ANO3: variants seen among roughly 807,000 people sequenced by gnomAD.
ANO3 encodes the protein anoctamin-3.
Under a neutral mutation model 144.8 loss-of-function variants are expected in ANO3, and 99 were observed. That is an observed-to-expected ratio of 0.68 (90% CI 0.58 to 0.81). ANO3 has a LOEUF of 0.81. ANO3 is among the 30% of genes least tolerant of loss of function. The pLI is 0.00. For missense variants in ANO3, 905 were observed against 1,202.2 expected (o/e 0.75, Z 3.66); for synonymous variants, 414 against 392.6 (o/e 1.05, Z -0.64).
At chr11:26,470,641 A>G (rs1271092585) in intron 4 of ANO3, among the ~76,000 whole-genome samples, 1 of 151,962 alleles carries the variant, frequency 6.6e-6, no homozygotes, top group Non-Finnish European at 1.5e-5. Context: ...GTATAATTAT[A>G]TAATAAAGTG....
At chr11:26,643,755 A>T (rs1291326111) in intron 23 of ANO3, among the ~76,000 whole-genome samples, 1 of 151,966 alleles carries the variant, frequency 6.6e-6, no homozygotes, top group Non-Finnish European at 1.5e-5. Context: ...TTAAGCCATG[A>T]TCCCTCATGA....
upstream of ANO3, among the ~76,000 whole-genome samples, chr11:26,306,403 T>C (rs777036600): frequency 1.3e-5 from 2 of 152,154 alleles, no homozygotes; most frequent in African/African-American, 4.8e-5. Context: ...TGGATAGAAT[T>C]GTCCCAAACT....
In ANO3 at chr11:26,657,842, T is replaced by C. The variant is rs184558922; in HGVS notation, c.2763+1361T>C. ...TTTAGAACATTTTTTCTGTCTTCCG[T>C]ATGATATTTCATCAAATGTATTAAT... On this transcript the variant is annotated intron_variant, in intron 26 of 26. Transcript: ENST00000256737. Among the ~76,000 whole-genome samples, 42 of 152,316 alleles carry C rather than the reference T, an allele frequency of 2.8e-4. 1 individual carries two copies. The highest frequency in any genetic ancestry group is 2.4e-3 in the Admixed American group (37 of 15,284).
intron 1 of ANO3, among the ~76,000 whole-genome samples, chr11:26,243,483 T>C (rs937648715): frequency 4.6e-5 from 7 of 152,090 alleles, no homozygotes; most frequent in Non-Finnish European, 1.0e-4. Context: ...AAGAGGAATC[T>C]ACACAATTGC....
At chr11:26,206,903 A>C (rs963420783) in intron 1 of ANO3, among the ~76,000 whole-genome samples, 1 of 152,226 alleles carries the variant, frequency 6.6e-6, no homozygotes, top group Non-Finnish European at 1.5e-5. Flanking sequence ...TGTAGTACCC[A>C]GAGAAATCAC....
At chr11:26,613,959 G>T (rs566870816) in intron 17 of ANO3, among the ~76,000 whole-genome samples, 1 of 152,238 alleles carries the variant, frequency 6.6e-6, no homozygotes, top group Non-Finnish European at 1.5e-5. Context: ...GCTCATGGGT[G>T]TAATGGCACT....
intron 1 of ANO3, among the ~76,000 whole-genome samples, chr11:26,193,203 G>A (rs542369138): frequency 1.4e-5 from 2 of 141,156 alleles, no homozygotes; most frequent in Non-Finnish European, 3.0e-5. Context: ...GTGCAATGGC[G>A]CCATCTCGGC....
intron 4 of ANO3, among the ~76,000 whole-genome samples, chr11:26,507,366 G>T (rs1476933271): frequency 6.6e-6 from 1 of 152,176 alleles, no homozygotes; most frequent in Non-Finnish European, 1.5e-5. Context: ...ATTGGGCAGA[G>T]ACCATTAAAA....
intron 9 of ANO3, among the ~76,000 whole-genome samples, 165 bp from the exon 10 acceptor site, chr11:26,537,241 T>C (rs1321877391): frequency 6.6e-6 from 1 of 152,156 alleles, no homozygotes; most frequent in African/African-American, 2.4e-5. Context: ...CAGTATCAGG[T>C]TTCTTTCACA....
intron 19 of ANO3, 104 bp from the exon 20 acceptor site, chr11:26,634,909 T>A (rs907818852): frequency 1.1e-5 from 9 of 840,562 alleles, no homozygotes; most frequent in Non-Finnish European, 1.8e-5. Context: ...ATTGCACCAG[T>A]GAGCGTTTAT....
intron 1 of ANO3, among the ~76,000 whole-genome samples, chr11:26,300,745 T>C (rs1012325331): frequency 4.6e-5 from 7 of 152,206 alleles, no homozygotes; most frequent in African/African-American, 1.4e-4. Context: ...AGTAACTCAG[T>C]TGAAGCAAAA....
chr11:26,541,804 C>A, intron 10 of ANO3, 143 bp from the exon 11 acceptor site: 1 of 618,408 alleles, frequency 1.6e-6, no homozygotes, highest in Non-Finnish European at 2.5e-6. Context: ...TCCATCACAT[C>A]ATTCCAGCGA....
intron 17 of ANO3, among the ~76,000 whole-genome samples, chr11:26,600,283 TC>T: frequency 2.8e-5 from 1 of 36,170 alleles, no homozygotes; most frequent in Non-Finnish European, 5.3e-5. Flanking sequence ...CCCCTCCCCT[TC>T]CCCTCTCCCC....
At chr11:26,252,512 AT>A (rs1397856785) in intron 1 of ANO3, among the ~76,000 whole-genome samples, 1 of 152,060 alleles carries the variant, frequency 6.6e-6, no homozygotes, top group Non-Finnish European at 1.5e-5. Flanking sequence ...CTGGAATGCT[AT>A]TTTCATCACC....
intron 1 of ANO3, among the ~76,000 whole-genome samples, chr11:26,198,700 G>T (rs1465185195): frequency 6.6e-6 from 1 of 152,072 alleles, no homozygotes; most frequent in African/African-American, 2.4e-5. Context: ...TGTTCTCTTG[G>T]AAAGTTATCC....
intron 1 of ANO3, among the ~76,000 whole-genome samples, chr11:26,422,622 C>A (rs745914070): frequency 2.6e-5 from 4 of 151,954 alleles, no homozygotes; most frequent in Non-Finnish European, 5.9e-5. Context: ...TTCAGAGCTA[C>A]ACATGCTTAC....
At chr11:26,228,791 C>G (rs552303281) in intron 1 of ANO3, among the ~76,000 whole-genome samples, 1 of 152,326 alleles carries the variant, frequency 6.6e-6, no homozygotes, top group East Asian at 1.9e-4. Context: ...CTCTCTGCAG[C>G]TGAGGCAATC....
Position 26,643,319 on chromosome 11 carries a change from C to G in ANO3, c.2413C>G (p.Arg805Gly). The change falls in exon 23 of 27, where the codon CGA becomes GGA. Residue 805 changes from arginine to glycine, a missense_variant. Around this residue, in one of 4 missense-constraint regions of ANO3, gnomAD observed 597 missense variants for 865.1 expected, o/e 0.69. Transcript: ENST00000256737. ...VTQWRRPLPA[R>G]ATDIGIWLGI... ...TCAATGGCGGAGGCCTTTGCCAGCC[C>G]GAGCAACTGACATAGGTAAGATTCG... 1 of 1,613,934 alleles carries G rather than the reference C, an allele frequency of 6.2e-7. No homozygotes were observed. The highest frequency in any genetic ancestry group is 8.5e-7 in the Non-Finnish European group (1 of 1,179,948).
intron 1 of ANO3, among the ~76,000 whole-genome samples, chr11:26,435,696 G>A (rs1014492680): frequency 6.6e-6 from 1 of 152,086 alleles, no homozygotes; most frequent in African/African-American, 2.4e-5. Flanking sequence ...AATACTTGCT[G>A]CTGCATTGTG....
Sources: allele counts gnomAD v4.1 joint callset (sites outside exome capture counted in the v4.1 genomes callset), GRCh38; gene constraint gnomAD v4.1.1; regional missense constraint gnomAD v4.1.1; transcripts MANE v1.5; gene names NCBI Gene and HGNC (gene_info 2026-07-23, HGNC 2026-07-21).